Variants in COL4A5 observed in about 807,000 individuals in gnomAD.
COL4A5 encodes collagen type IV alpha 5 chain, also known as collagen alpha-5(IV) chain.
COL4A5 carries 26 observed loss-of-function variants against 130.2 expected under a neutral mutation model. The observed-to-expected ratio is 0.20, with a 90% CI of 0.15 to 0.28. The LOEUF is 0.28. Among genes scored for constraint, COL4A5 ranks in the 10% least tolerant of loss-of-function variants. The pLI, the probability that COL4A5 is intolerant of heterozygous loss-of-function variation, is 1.00. For missense variants in COL4A5, 1,131 were observed against 1,344.3 expected, an observed-to-expected ratio of 0.84 and a Z score of 2.48; for synonymous variants, 496 against 439.6, an observed-to-expected ratio of 1.13 and a Z score of -1.60.
At chrX:108,515,973 A>G (rs146655761) in intron 1 of COL4A5, among the ~76,000 whole-genome samples, 17 of 112,150 alleles carry the variant, frequency 1.5e-4, no homozygotes, top group African/African-American at 4.9e-4. Context: ...CATGTTGGAA[A>G]ATACCATGGG....
intron 30 of COL4A5, among the ~76,000 whole-genome samples, chrX:108,616,404 T>C (rs928733343): frequency 9.1e-6 from 1 of 110,106 alleles, no homozygotes; most frequent in African/African-American, 3.3e-5. Context: ...CCCGGCTAAT[T>C]TTTGTATTTT....
rs753578603 is a variant in COL4A5 at position 108,692,962 on chromosome X, C to T, written c.4706+37C>T. The T allele has an allele frequency of 5.0e-6, 6 of 1,192,605 alleles. No homozygotes were observed. The Admixed American group carries it at 1.3e-4, about 26-fold the overall frequency. ...ATTTAGCTGTGACTTTTACCAATCCCCAGTTAGTTAGCTAGTCAGATTTGA... is the reference window on the plus strand; with the variant it reads ...ATTTAGCTGTGACTTTTACCAATCCTCAGTTAGTTAGCTAGTCAGATTTGA... On this transcript the variant is annotated intron_variant, in intron 50 of 52. Coordinates refer to ENST00000328300, the MANE Select transcript of COL4A5 (RefSeq NM_033380.3).
chrX:108,588,717 A>T (rs755068502), intron 19 of COL4A5, among the ~76,000 whole-genome samples: 23 of 111,613 alleles, frequency 2.1e-4, no homozygotes, highest in African/African-American at 6.8e-4. Context: ...AACTAGACAC[A>T]TTGTAGGGAC....
chrX:108,628,154 T>A (rs1331755875), intron 36 of COL4A5, among the ~76,000 whole-genome samples: 1 of 110,852 alleles, frequency 9.0e-6, no homozygotes, highest in Non-Finnish European at 1.9e-5. Context: ...GGGTTCACTA[T>A]AAATAATTTA....
intron 1 of COL4A5, among the ~76,000 whole-genome samples, chrX:108,515,867 C>G (rs1044673329): frequency 9.0e-6 from 1 of 111,191 alleles, no homozygotes; most frequent in African/African-American, 3.3e-5. Flanking sequence ...ATTAAGACTG[C>G]ATTTTTTTTT....
intron 29 of COL4A5, among the ~76,000 whole-genome samples, chrX:108,612,265 G>T (rs1165574842): frequency 9.0e-6 from 1 of 110,983 alleles, no homozygotes; most frequent in Non-Finnish European, 1.9e-5. Flanking sequence ...TTGATGGTAT[G>T]AAAAGGTTCA....
At chrX:108,554,259 G>A (rs1210362829) in intron 2 of COL4A5, among the ~76,000 whole-genome samples, 2 of 111,727 alleles carry the variant, frequency 1.8e-5, no homozygotes, top group Non-Finnish European at 3.8e-5. Context: ...TCACAGCTCC[G>A]CATGGCTGTG....
chrX:108,440,271 T>TGGGG (rs59044748), intron 1 of COL4A5, 65 bp downstream of exon 1: 1 of 635,732 alleles, frequency 1.6e-6, no homozygotes, highest in African/African-American at 2.3e-5. Flanking sequence ...ACCTTTTTTT[T>TGGGG]GGGGGGGGGG....
At chrX:108,689,063 T>G (rs2068601836) in intron 49 of COL4A5, among the ~76,000 whole-genome samples, 1 of 111,480 alleles carries the variant, frequency 9.0e-6, no homozygotes, top group African/African-American at 3.3e-5. Flanking sequence ...CATCTTCTTT[T>G]TTTCTTCCGT....
At chrX:108,609,680 A>G (rs1356812379) in intron 29 of COL4A5, among the ~76,000 whole-genome samples, 6 of 111,665 alleles carry the variant, frequency 5.4e-5, no homozygotes, top group Admixed American at 9.5e-5. Flanking sequence ...AAGGTATTCT[A>G]TGTTTTATTT....
intron 1 of COL4A5, among the ~76,000 whole-genome samples, chrX:108,531,420 A>G (rs2065384717): frequency 1.8e-5 from 2 of 109,633 alleles, no homozygotes; most frequent in Non-Finnish European, 3.8e-5. Flanking sequence ...TATTGAAATG[A>G]AAATGTAAAC....
chrX:108,562,036 C>G (rs2065906009), intron 3 of COL4A5, among the ~76,000 whole-genome samples: 1 of 111,908 alleles, frequency 8.9e-6, no homozygotes, highest in South Asian at 3.7e-4. Context: ...TTCTTGTGCA[C>G]CCAGGAGTAG....
intron 1 of COL4A5, among the ~76,000 whole-genome samples, chrX:108,482,110 C>A (rs192389446): frequency 8.9e-6 from 1 of 111,863 alleles, no homozygotes; most frequent in African/African-American, 3.2e-5. Context: ...GGGCCCAAAT[C>A]AACAAATTCA....
At chrX:108,672,117 C>T (rs1306537155) in intron 42 of COL4A5, among the ~76,000 whole-genome samples, 1 of 111,946 alleles carries the variant, frequency 8.9e-6, no homozygotes, top group Non-Finnish European at 1.9e-5. Context: ...TCCGTCAACA[C>T]CTCCATCAAC....
intron 1 of COL4A5, among the ~76,000 whole-genome samples, chrX:108,526,725 C>CT (rs1239694615): frequency 1.2e-5 from 1 of 80,333 alleles, no homozygotes; most frequent in African/African-American, 4.5e-5. Context: ...TTCTTTCTTT[C>CT]TTCCTCCTCC....
At chrX:108,477,249 T>TG (rs1344985585) in intron 1 of COL4A5, among the ~76,000 whole-genome samples, 17 of 111,551 alleles carry the variant, frequency 1.5e-4, no homozygotes, top group Admixed American at 1.4e-3. Flanking sequence ...GTCCACCCCT[T>TG]GTCAACTTGA....
intron 38 of COL4A5, among the ~76,000 whole-genome samples, chrX:108,666,063 A>G (rs1206822329): frequency 9.2e-6 from 1 of 108,477 alleles, no homozygotes; most frequent in Non-Finnish European, 1.9e-5. Context: ...AAAAAAAAGG[A>G]CTTAAAATGA....
intron 29 of COL4A5, among the ~76,000 whole-genome samples, chrX:108,611,292 C>T (rs1242762728): frequency 9.0e-6 from 1 of 111,049 alleles, no homozygotes; most frequent in Non-Finnish European, 1.9e-5. Flanking sequence ...ATTTTGGAAG[C>T]ATTCAGTTTA....
intron 36 of COL4A5, among the ~76,000 whole-genome samples, chrX:108,635,902 C>G (rs1228599531): frequency 3.6e-5 from 4 of 112,236 alleles, no homozygotes; most frequent in Admixed American, 1.9e-4. Context: ...CACATGTTCT[C>G]ACTTAAAGTT....
Sources: gnomAD v4.1 joint callset for allele counts (sites outside exome capture counted in the v4.1 genomes callset) on GRCh38, gnomAD v4.1.1 for gene constraint, MANE v1.5 for transcripts, NCBI Gene and HGNC (gene_info 2026-07-23, HGNC 2026-07-21) for gene names.